The following CSTPP1 variants were observed in gnomAD, a reference collection of about 807,000 sequenced individuals.
CSTPP1 encodes centriolar satellite-associated tubulin polyglutamylase complex regulator 1.
At chr11:46,961,089 T>C in the CSTPP1 span, among the ~76,000 whole-genome samples, 1 of 152,242 alleles carries the variant, frequency 6.6e-6, no homozygotes, top group Non-Finnish European at 1.5e-5. Context: ...AGCATATACC[T>C]AGGCGTGGAA....
chr11:47,002,408 G>A, the CSTPP1 span, among the ~76,000 whole-genome samples: 1 of 152,182 alleles, frequency 6.6e-6, no homozygotes, highest in Non-Finnish European at 1.5e-5. Context: ...CAGGGTCATT[G>A]AGGATGCAAG....
the CSTPP1 span, among the ~76,000 whole-genome samples, chr11:46,938,522 C>T: frequency 6.6e-6 from 1 of 151,338 alleles, no homozygotes; most frequent in African/African-American, 2.4e-5. Flanking sequence ...CTGTGCTCCA[C>T]CTATTGATCC....
chr11:46,990,436 A>G, the CSTPP1 span, among the ~76,000 whole-genome samples: 1 of 152,186 alleles, frequency 6.6e-6, no homozygotes, highest in Non-Finnish European at 1.5e-5. Context: ...GGCCACTTAT[A>G]TATCTTCTTT....
At chr11:47,155,064 G>C in the CSTPP1 span, 33 of 914,314 alleles carry the variant, frequency 3.6e-5, no homozygotes, top group Middle Eastern at 2.4e-4. Context: ...CCCAGGAACA[G>C]CTCTCTCTCT....
chr11:47,026,638 G>C, the CSTPP1 span, among the ~76,000 whole-genome samples: 1 of 152,182 alleles, frequency 6.6e-6, no homozygotes, highest in Non-Finnish European at 1.5e-5. Context: ...AGCTCTTTGG[G>C]AGGCCGAGGT....
the CSTPP1 span, among the ~76,000 whole-genome samples, chr11:46,952,502 C>T: frequency 9.9e-5 from 15 of 152,136 alleles, no homozygotes; most frequent in Non-Finnish European, 1.8e-4. Flanking sequence ...CTAGTATATG[C>T]GGTGGAGACA....
the CSTPP1 span, among the ~76,000 whole-genome samples, chr11:46,961,700 A>G: frequency 6.6e-4 from 101 of 152,298 alleles, no homozygotes; most frequent in Middle Eastern, 0.014. Context: ...GTTTTATAGT[A>G]TTAGCTTTTA....
the CSTPP1 span, among the ~76,000 whole-genome samples, chr11:46,997,342 C>G: frequency 6.6e-6 from 1 of 152,132 alleles, no homozygotes; most frequent in Non-Finnish European, 1.5e-5. Flanking sequence ...TCCAGTTGAT[C>G]AAATCGGCTA....
chr11:46,968,898 CAATAAT>C, the CSTPP1 span, among the ~76,000 whole-genome samples: 2 of 151,550 alleles, frequency 1.3e-5, no homozygotes, highest in Non-Finnish European at 2.9e-5. Flanking sequence ...GATTCTGTCT[CAATAAT>C]AATAATAAAA....
chr11:46,950,330 C>T, the CSTPP1 span, among the ~76,000 whole-genome samples: 3 of 151,672 alleles, frequency 2.0e-5, no homozygotes, highest in Admixed American at 6.6e-5. Context: ...CCCGCCACCT[C>T]GCCCAGCTAA....
At chr11:46,950,748 A>G in the CSTPP1 span, among the ~76,000 whole-genome samples, 2 of 152,028 alleles carry the variant, frequency 1.3e-5, no homozygotes, top group South Asian at 4.2e-4. Context: ...AGTAGCTGGG[A>G]TTATAGGCGC....
chr11:47,014,710 A>G, the CSTPP1 span, among the ~76,000 whole-genome samples: 1 of 144,324 alleles, frequency 6.9e-6, no homozygotes, highest in Non-Finnish European at 1.5e-5. Context: ...TCTCAAAGAA[A>G]GAGAAAGAGA....
At chr11:47,124,901 A>C in the CSTPP1 span, among the ~76,000 whole-genome samples, 1 of 152,226 alleles carries the variant, frequency 6.6e-6, no homozygotes, top group South Asian at 2.1e-4. Context: ...GGAGAGCACT[A>C]TCATTTGGTT....
the CSTPP1 span, among the ~76,000 whole-genome samples, chr11:47,043,146 A>G: frequency 6.6e-6 from 1 of 152,160 alleles, no homozygotes; most frequent in African/African-American, 2.4e-5. Context: ...TCAAAATGTT[A>G]TACACACAGT....
At chr11:47,027,910 T>C in the CSTPP1 span, among the ~76,000 whole-genome samples, 1 of 147,948 alleles carries the variant, frequency 6.8e-6, no homozygotes, top group Admixed American at 7.0e-5. Context: ...GGCACATCTC[T>C]ATTTTCTTTT....
the CSTPP1 span, among the ~76,000 whole-genome samples, chr11:46,970,348 A>G: frequency 1.3e-5 from 2 of 151,770 alleles, no homozygotes; most frequent in South Asian, 4.1e-4. Context: ...GCACATGTAT[A>G]CATATGTAAC....
the CSTPP1 span, among the ~76,000 whole-genome samples, chr11:47,097,102 G>C: frequency 7.2e-6 from 1 of 139,044 alleles, no homozygotes. Context: ...AGGGAGGTAG[G>C]GGGGTCAGCC....
chr11:46,939,856 C>A, the CSTPP1 span, among the ~76,000 whole-genome samples: 1 of 151,704 alleles, frequency 6.6e-6, no homozygotes, highest in Non-Finnish European at 1.5e-5. Context: ...AAGTAATTTC[C>A]GTTTCTTTTG....
At chr11:46,974,419 T>C in the CSTPP1 span, among the ~76,000 whole-genome samples, 1 of 151,030 alleles carries the variant, frequency 6.6e-6, no homozygotes, top group East Asian at 1.9e-4. Context: ...TCCCAGCTAC[T>C]TGGGAGGCTG....
Sources: gnomAD v4.1 joint callset for allele counts (sites outside exome capture counted in the v4.1 genomes callset) on GRCh38, gnomAD v4.1.1 for gene constraint, MANE v1.5 for transcripts, NCBI Gene and HGNC (gene_info 2026-07-23, HGNC 2026-07-21) for gene names.